Variants in CLEC16A observed in about 807,000 individuals in gnomAD.
CLEC16A encodes the protein C-type lectin domain containing 16A.
A neutral mutation model predicts 109.5 loss-of-function variants in CLEC16A; 51 were observed. The ratio of observed to expected loss-of-function variants is 0.47; its 90% CI spans 0.37 to 0.59. The LOEUF is 0.59. Ranked by LOEUF, CLEC16A falls within the 20% of genes least tolerant of loss-of-function variation. The pLI, the probability that CLEC16A is intolerant of heterozygous loss-of-function variation, is 0.00. For synonymous variants in CLEC16A, 673 were observed against 564.2 expected, an observed-to-expected ratio of 1.19 and a Z score of -2.73; for missense variants, 1,339 against 1,394.0, an observed-to-expected ratio of 0.96 and a Z score of 0.63.
chr16:10,953,848 G>T (rs2041854458), intron 1 of CLEC16A, among the ~76,000 whole-genome samples: 1 of 152,116 alleles, frequency 6.6e-6, no homozygotes, highest in South Asian at 2.1e-4. Flanking sequence ...GTGCTGGCGG[G>T]CGCCTGTAGT....
At chr16:11,122,552 C>G (rs775873038) in intron 20 of CLEC16A, among the ~76,000 whole-genome samples, 1 of 152,106 alleles carries the variant, frequency 6.6e-6, no homozygotes, top group Non-Finnish European at 1.5e-5. Flanking sequence ...GCTTTAAATG[C>G]AGAATGCCTC....
chr16:11,055,406 C>G (rs1219790918), intron 18 of CLEC16A, among the ~76,000 whole-genome samples: 1 of 151,880 alleles, frequency 6.6e-6, no homozygotes, highest in African/African-American at 2.4e-5. Flanking sequence ...GAGGCACTTT[C>G]CAAACAGGGA....
chr16:10,985,138 G>A (rs533247063), intron 10 of CLEC16A, among the ~76,000 whole-genome samples: 4 of 149,054 alleles, frequency 2.7e-5, no homozygotes, highest in African/African-American at 9.9e-5. Flanking sequence ...AGGAGGCGGA[G>A]CTTGCAGTGA....
rs77547173 is a variant in CLEC16A at position 11,167,690 on chromosome 16, G to A, written c.2806+1138G>A. 2.8e-4 allele frequency among the ~76,000 whole-genome samples: 43 copies of A among 152,202 alleles called. 1 individual carries two copies. The Middle Eastern group carries it at 0.017, about 60-fold the overall frequency. Reference sequence around the variant, plus strand: ...CCTGCACTTCATATTGACTTCACGAGGCCCAGGCAGGAAAGTCACCCCACA... The same window carrying A: ...CCTGCACTTCATATTGACTTCACGAAGCCCAGGCAGGAAAGTCACCCCACA... On this transcript the variant is annotated intron_variant, in intron 23 of 23. Transcript: ENST00000409790.
At chr16:11,061,604 C>T (rs1474997086) in intron 19 of CLEC16A, among the ~76,000 whole-genome samples, 1 of 152,202 alleles carries the variant, frequency 6.6e-6, no homozygotes, top group East Asian at 1.9e-4. Context: ...TTCCTGGAAC[C>T]CCTCTCGTAT....
At chr16:11,053,525 C>T (rs556754419) in intron 18 of CLEC16A, among the ~76,000 whole-genome samples, 3 of 152,184 alleles carry the variant, frequency 2.0e-5, no homozygotes, top group East Asian at 3.9e-4. Flanking sequence ...TGTGTGCCAC[C>T]ACACTCGGCT....
At chr16:11,138,170 G>A (rs2053657759) in intron 22 of CLEC16A, among the ~76,000 whole-genome samples, 1 of 152,220 alleles carries the variant, frequency 6.6e-6, no homozygotes, top group Non-Finnish European at 1.5e-5. Flanking sequence ...GGTTGGCTGA[G>A]CAAGCGTTTA....
intron 10 of CLEC16A, among the ~76,000 whole-genome samples, chr16:10,993,395 T>G (rs1317902075): frequency 6.6e-6 from 1 of 151,966 alleles, no homozygotes; most frequent in Non-Finnish European, 1.5e-5. Flanking sequence ...AGAAAAGAAG[T>G]CAAGCTTACT....
At chr16:10,976,537 A>T (rs982116959) in intron 7 of CLEC16A, among the ~76,000 whole-genome samples, 2 of 152,156 alleles carry the variant, frequency 1.3e-5, no homozygotes, top group Non-Finnish European at 2.9e-5. Flanking sequence ...TTATATTTTA[A>T]TTTGCTGTTG....
intron 4 of CLEC16A, among the ~76,000 whole-genome samples, chr16:10,969,565 C>G (rs2042680420): frequency 6.6e-6 from 1 of 152,134 alleles, no homozygotes. Context: ...CCAGGTTGGC[C>G]TTGAACTTCC....
chr16:11,137,151 A>T (rs2053605488), intron 22 of CLEC16A, among the ~76,000 whole-genome samples: 1 of 151,948 alleles, frequency 6.6e-6, no homozygotes, highest in African/African-American at 2.4e-5. Flanking sequence ...AAGTCCATAA[A>T]ATCACCCAAG....
chr16:11,068,145 G>A (rs968945813), intron 19 of CLEC16A, among the ~76,000 whole-genome samples: 1 of 152,044 alleles, frequency 6.6e-6, no homozygotes, highest in African/African-American at 2.4e-5. Flanking sequence ...ATGTGACTTT[G>A]GACAAATCTA....
chr16:11,113,363 T>C (rs2051731999), intron 19 of CLEC16A, among the ~76,000 whole-genome samples: 1 of 152,298 alleles, frequency 6.6e-6, no homozygotes, highest in African/African-American at 2.4e-5. Context: ...ATTTTCCCTT[T>C]AGAAAATCAG....
intron 19 of CLEC16A, among the ~76,000 whole-genome samples, chr16:11,086,243 A>G (rs1002695962): frequency 2.6e-5 from 4 of 152,156 alleles, no homozygotes; most frequent in East Asian, 1.9e-4. Context: ...AGTGGAGGCC[A>G]TGGGGCTGGT....
intron 11 of CLEC16A, among the ~76,000 whole-genome samples, chr16:11,006,755 C>T (rs2045044088): frequency 6.6e-6 from 1 of 152,122 alleles, no homozygotes; most frequent in African/African-American, 2.4e-5. Context: ...CCAGAATTCA[C>T]ACCTCCTCCA....
chr16:11,119,402 G>C (rs1260107954), intron 19 of CLEC16A, among the ~76,000 whole-genome samples: 2 of 151,706 alleles, frequency 1.3e-5, no homozygotes, highest in Non-Finnish European at 2.9e-5. Context: ...CTCTTTTTTT[G>C]TTTGTTTTGA....
chr16:10,977,112 C>A, intron 7 of CLEC16A, 113 bp from the exon 8 acceptor site: 2 of 982,884 alleles, frequency 2.0e-6, no homozygotes, highest in Non-Finnish European at 3.0e-6. Context: ...TCTCTTGAGA[C>A]TAACTCAAAT....
intron 6 of CLEC16A, 49 bp from the exon 7 acceptor site, chr16:10,972,889 A>G (rs201921194): frequency 6.6e-7 from 1 of 1,515,660 alleles, no homozygotes; most frequent in East Asian, 2.4e-5. Context: ...ATCTTCCCCA[A>G]GTTATTTTTG....
At chr16:11,011,392 A>G (rs75655815) in intron 11 of CLEC16A, among the ~76,000 whole-genome samples, 4,142 of 152,152 alleles carry the variant, frequency 0.027, 178 homozygotes, top group African/African-American at 0.089. Flanking sequence ...CTAATGGTTT[A>G]TAGTGCATTA....
Sources: gnomAD v4.1 joint callset for allele counts (sites outside exome capture counted in the v4.1 genomes callset) on GRCh38, gnomAD v4.1.1 for gene constraint, MANE v1.5 for transcripts, NCBI Gene and HGNC (gene_info 2026-07-23, HGNC 2026-07-21) for gene names.